Variants in EPHA5 observed in about 807,000 individuals in gnomAD.
The protein encoded by EPHA5 is ephrin type-A receptor 5.
In EPHA5, 60 loss-of-function variants were observed where a neutral mutation model predicts 105.0. The ratio of observed to expected loss-of-function variants is 0.57; its 90% confidence interval spans 0.46 to 0.71. The LOEUF (loss-of-function observed/expected upper bound fraction) is 0.71, where lower values mean the gene tolerates loss of function less well. Ranked by LOEUF, EPHA5 falls within the 30% of genes least tolerant of loss-of-function variation. The pLI is 0.00. For synonymous variants in EPHA5, 513 were observed against 449.1 expected (o/e 1.14, Z -1.80); for missense variants, 1,218 against 1,274.7 (o/e 0.96, Z 0.68).
intron 13 of EPHA5, among the ~76,000 whole-genome samples, chr4:65,348,659 GATATATATATATATATAT>G (rs36206921): frequency 5.0e-4 from 30 of 60,202 alleles, no homozygotes; most frequent in African/African-American, 4.1e-4. Context: ...AAACATTGGA[GATATATATATATATATAT>G]ATATATATAT....
intron 7 of EPHA5, among the ~76,000 whole-genome samples, chr4:65,408,189 G>A (rs952587211): frequency 6.6e-6 from 1 of 152,058 alleles, no homozygotes; most frequent in Non-Finnish European, 1.5e-5. Flanking sequence ...AATTTACAGG[G>A]TACTGTCAAT....
At chr4:65,398,751 A>C (rs1048812394) in intron 8 of EPHA5, among the ~76,000 whole-genome samples, 1 of 151,994 alleles carries the variant, frequency 6.6e-6, no homozygotes, top group Non-Finnish European at 1.5e-5. Context: ...ATATTGGGAC[A>C]ACATGCCTGC....
At chr4:65,603,607 G>A (rs112125076) in intron 2 of EPHA5, among the ~76,000 whole-genome samples, 7 of 152,152 alleles carry the variant, frequency 4.6e-5, no homozygotes, top group Middle Eastern at 3.4e-3. Context: ...TTATACATCA[G>A]ATGGCTCCTC....
chr4:65,606,945 G>T (rs1277048944), intron 2 of EPHA5, among the ~76,000 whole-genome samples: 2 of 152,014 alleles, frequency 1.3e-5, no homozygotes, highest in South Asian at 2.1e-4. Flanking sequence ...TCACCTAACT[G>T]CCTCTTTAAA....
At position 65,335,967 on chromosome 4, in the gene EPHA5, T is replaced by C. The variant is rs1560422826; in HGVS notation, c.2754A>G (p.Pro918=). 30 of 1,612,772 alleles carry C rather than the reference T, an allele frequency of 1.9e-5. No individual in the cohort carries two copies. The highest frequency in any genetic ancestry group is 2.5e-5 in the Non-Finnish European group (30 of 1,179,262). The change falls in exon 15 of 17, where the codon CCA becomes CCG. Residue 918 remains proline, a synonymous_variant. Transcript: ENST00000613740. ...VNMLDKLIRN[P]SSLKTLVNAS... is the part of the protein sequence containing the mutation. ...CATTAACCAGCGTCTTCAGACTACT[T>C]GGGTTACGTATCAGCTTGTCCAACA...
At chr4:65,331,663 G>C in intron 16 of EPHA5, 1 of 1,114,190 alleles carries the variant, frequency 9.0e-7, no homozygotes, top group Non-Finnish European at 1.1e-6. Flanking sequence ...ATAGATACCA[G>C]TATAAAAAAA....
At position 65,322,123 on chromosome 4, in the gene EPHA5, T is replaced by C. The variant is rs1446377034; in HGVS notation, c.*1991A>G. The C allele has an allele frequency of 8.9e-6, 2 of 224,622 alleles. No individual in the cohort carries two copies. The highest frequency in any genetic ancestry group is 8.9e-6 in the Non-Finnish European group (1 of 112,624). 13.9% of individuals were successfully genotyped at this position (224,622 alleles called of 1,614,324 possible). ...GAAATTTTACTAAACTAATAGATTA[T>C]ATGTTTGCAGCACAGTTTGTGTGGA... On this transcript the variant is annotated 3_prime_UTR_variant, in exon 17 of 17. Coordinates refer to ENST00000613740, the MANE Select transcript of EPHA5 (RefSeq NM_001281766.3).
chr4:65,630,150 G>A (rs569902913), intron 2 of EPHA5, among the ~76,000 whole-genome samples: 1 of 151,742 alleles, frequency 6.6e-6, no homozygotes, highest in Admixed American at 6.6e-5. Context: ...CAGGTGGTTA[G>A]TAACTATCTC....
At chr4:65,472,730 T>G (rs1729413840) in intron 5 of EPHA5, among the ~76,000 whole-genome samples, 2 of 95,798 alleles carry the variant, frequency 2.1e-5, no homozygotes, top group South Asian at 7.4e-4. Context: ...CCCCTGGGCC[T>G]GGCCCACAAA....
chr4:65,495,048 G>A (rs1056249904), intron 4 of EPHA5, among the ~76,000 whole-genome samples: 2 of 151,922 alleles, frequency 1.3e-5, no homozygotes, highest in Non-Finnish European at 2.9e-5. Context: ...GGAAGAAGAG[G>A]TTTTAATGTA....
intron 5 of EPHA5, among the ~76,000 whole-genome samples, chr4:65,472,339 G>C (rs1729367735): frequency 6.6e-6 from 1 of 152,110 alleles, no homozygotes; most frequent in Non-Finnish European, 1.5e-5. Context: ...GGTGCAAATT[G>C]TTGGTGGATC....
chr4:65,657,673 T>C (rs900565083), intron 1 of EPHA5, among the ~76,000 whole-genome samples: 1 of 152,148 alleles, frequency 6.6e-6, no homozygotes. Context: ...AAGAGCTATG[T>C]TGGCTTCACC....
At chr4:65,474,853 G>A (rs1729640230) in intron 5 of EPHA5, among the ~76,000 whole-genome samples, 1 of 152,040 alleles carries the variant, frequency 6.6e-6, no homozygotes, top group African/African-American at 2.4e-5. Context: ...TTTAACAATA[G>A]GTCTTCATCA....
intron 3 of EPHA5, among the ~76,000 whole-genome samples, chr4:65,567,946 G>A (rs749963274): frequency 5.3e-5 from 8 of 151,156 alleles, no homozygotes; most frequent in Non-Finnish European, 8.9e-5. Context: ...TTCTTCAGGG[G>A]CAATAAATTA....
At chr4:65,332,484 TTGTCCAA>T (rs1416714208) in intron 15 of EPHA5, among the ~76,000 whole-genome samples, 1 of 151,734 alleles carries the variant, frequency 6.6e-6, no homozygotes, top group African/African-American at 2.4e-5. Context: ...GTGGACACAT[TTGTCCAA>T]ATCTGTAAAA....
chr4:65,324,354 T>C, intron 16 of EPHA5, 135 bp from the exon 17 acceptor site: 4 of 553,764 alleles, frequency 7.2e-6, no homozygotes, highest in Non-Finnish European at 1.3e-5. Context: ...CAGAGTCTAG[T>C]TTTTAAAGGT....
chr4:65,645,519 T>A (rs1220090922), intron 1 of EPHA5, among the ~76,000 whole-genome samples: 1 of 152,044 alleles, frequency 6.6e-6, no homozygotes, highest in African/African-American at 2.4e-5. Context: ...CTTACTAATA[T>A]GAAATATGAA....
chr4:65,618,249 G>A (rs1221887855), intron 2 of EPHA5, among the ~76,000 whole-genome samples: 4 of 152,034 alleles, frequency 2.6e-5, no homozygotes, highest in Non-Finnish European at 2.9e-5. Flanking sequence ...AAATACTAAA[G>A]TTTCTTTGAT....
chr4:65,482,841 C>CT lies in EPHA5; in HGVS notation c.1402+7535dup, dbSNP rs1183046989. Among the ~76,000 whole-genome samples, 808 of 117,280 alleles carry CT rather than the reference C, an allele frequency of 6.9e-3. 8 individuals are homozygous for CT. Among genetic ancestry groups the CT allele is most frequent in the African/African-American group, 0.022 (707 of 31,950 alleles). 76.9% of individuals were successfully genotyped at this position (117,280 alleles called of 152,430 possible). ...AAGACATTGCCTACCATTTCTTTTC[C>CT]TTTTTTTTTTTAGAGGATCTTTTTT... is the stretch of plus-strand genomic sequence containing the variant. On this transcript the variant is annotated intron_variant, in intron 5 of 16. Transcript: ENST00000613740.
Sources: gnomAD v4.1 joint callset for allele counts (sites outside exome capture counted in the v4.1 genomes callset) on GRCh38, gnomAD v4.1.1 for gene constraint, MANE v1.5 for transcripts, NCBI Gene and HGNC (gene_info 2026-07-23, HGNC 2026-07-21) for gene names.